The following JPH1 variants were observed in gnomAD, a reference collection of about 807,000 sequenced individuals.
JPH1 encodes junctophilin 1, also known as junctophilin-1.
A neutral mutation model predicts 53.6 loss-of-function variants in JPH1; 12 were observed. That is an observed-to-expected ratio of 0.22 (90% confidence interval 0.14 to 0.36). The LOEUF (loss-of-function observed/expected upper bound fraction) is 0.36. JPH1 is among the 10% of genes least tolerant of loss of function. JPH1 has a pLI of 1.00. For missense variants in JPH1, 808 were observed against 905.5 expected (o/e 0.89, Z 1.38); for synonymous variants, 375 against 363.8 (o/e 1.03, Z -0.35).
rs1805804765 is a variant in JPH1 at position 74,244,812 on chromosome 8, G to C, written c.1622C>G (p.Pro541Arg). 2 of 1,614,056 alleles carry C rather than the reference G, an allele frequency of 1.2e-6. No individual in the cohort carries two copies. The highest frequency in any genetic ancestry group is 2.7e-5 in the African/African-American group (2 of 74,922). ...CTGAGAATGCAGCTCCCCGTTACTGGGGTTGGGGATGTGGTGGCGGCCAGA... is the reference window on the plus strand; with the variant it reads ...CTGAGAATGCAGCTCCCCGTTACTGCGGTTGGGGATGTGGTGGCGGCCAGA... ...KYSGRHHIPNPSNGELHSQYH... is the reference protein window; with the variant it reads ...KYSGRHHIPNRSNGELHSQYH... Residue 541 changes from proline (P) to arginine (R), a missense_variant, in exon 4 of 6, where the codon CCC becomes CGC. Around this residue, in one of 2 missense-constraint regions of JPH1, gnomAD observed 756 missense variants for 811.9 expected, o/e 0.93. Coordinates refer to ENST00000342232, the MANE Select transcript of JPH1 (RefSeq NM_020647.4).
At chr8:74,265,169 T>C (rs1806496438) in intron 2 of JPH1, among the ~76,000 whole-genome samples, 1 of 152,208 alleles carries the variant, frequency 6.6e-6, no homozygotes, top group South Asian at 2.1e-4. Context: ...TAAGCTCTTG[T>C]AATACTAAGT....
intron 2 of JPH1, among the ~76,000 whole-genome samples, chr8:74,276,923 A>C (rs1053277863): frequency 1.3e-5 from 2 of 152,224 alleles, no homozygotes; most frequent in Non-Finnish European, 2.9e-5. Context: ...ACCTTTTAAG[A>C]GATGAAGTTT....
chr8:74,271,119 G>A (rs1806685613), intron 2 of JPH1, among the ~76,000 whole-genome samples: 1 of 151,528 alleles, frequency 6.6e-6, no homozygotes, highest in East Asian at 1.9e-4. Flanking sequence ...AAACAAGGGG[G>A]AGATTTAGGA....
chr8:74,259,270 A>G (rs1317986610), intron 3 of JPH1, 115 bp downstream of exon 3: 6 of 795,768 alleles, frequency 7.5e-6, no homozygotes, highest in Non-Finnish European at 1.2e-5. Flanking sequence ...CTTGTTTTGT[A>G]TAATAGTACT....
chr8:74,254,262 C>T (rs1304527284), intron 3 of JPH1, among the ~76,000 whole-genome samples: 14 of 152,038 alleles, frequency 9.2e-5, no homozygotes, highest in Admixed American at 4.6e-4. Flanking sequence ...TAAACGTAAT[C>T]CAGCATATAA....
At chr8:74,241,531 GA>G (rs1197540068) in intron 4 of JPH1, among the ~76,000 whole-genome samples, 1 of 152,064 alleles carries the variant, frequency 6.6e-6, no homozygotes, top group Admixed American at 6.6e-5. Context: ...AATACAGAAA[GA>G]AATCCTAACT....
chr8:74,305,507 T>C (rs976148908), intron 2 of JPH1, among the ~76,000 whole-genome samples: 2 of 152,240 alleles, frequency 1.3e-5, no homozygotes, highest in African/African-American at 4.8e-5. Context: ...TCTTCATATG[T>C]GTACTATTGA....
intron 2 of JPH1, among the ~76,000 whole-genome samples, chr8:74,268,501 C>T (rs1373344084): frequency 6.6e-6 from 1 of 152,008 alleles, no homozygotes; most frequent in South Asian, 2.1e-4. Flanking sequence ...AGGAAATAGA[C>T]AGCGTGAAGT....
intron 3 of JPH1, 143 bp from the exon 4 acceptor site, chr8:74,245,318 A>C: frequency 4.1e-6 from 3 of 734,340 alleles, no homozygotes; most frequent in Non-Finnish European, 6.0e-6. Context: ...TCTGGGGAAA[A>C]GTTTATTTAT....
chr8:74,276,042 C>T (rs1050909815), intron 2 of JPH1, among the ~76,000 whole-genome samples: 5 of 152,134 alleles, frequency 3.3e-5, no homozygotes, highest in Admixed American at 6.5e-5. Flanking sequence ...ATAGCTCATA[C>T]ATGCTCTAAG....
intron 2 of JPH1, among the ~76,000 whole-genome samples, chr8:74,313,364 G>GGA (rs1479654686): frequency 3.9e-5 from 6 of 151,974 alleles, no homozygotes; most frequent in East Asian, 3.8e-4. Flanking sequence ...AGAGAAGACA[G>GGA]GAGAGAGAGA....
At chr8:74,298,880 A>C (rs1053066414) in intron 2 of JPH1, among the ~76,000 whole-genome samples, 1 of 152,230 alleles carries the variant, frequency 6.6e-6, no homozygotes, top group Non-Finnish European at 1.5e-5. Context: ...TGTGCATATG[A>C]AAGATCCTTG....
intron 4 of JPH1, among the ~76,000 whole-genome samples, chr8:74,241,813 A>C (rs567207432): frequency 2.6e-5 from 4 of 152,338 alleles, no homozygotes; most frequent in Non-Finnish European, 5.9e-5. Context: ...CCTCAAAACA[A>C]ACTTGGATGC....
chr8:74,292,127 A>G (rs1429331007), intron 2 of JPH1, among the ~76,000 whole-genome samples: 1 of 152,218 alleles, frequency 6.6e-6, no homozygotes, highest in Non-Finnish European at 1.5e-5. Flanking sequence ...ATACATATGT[A>G]ACAAACCTGC....
intron 3 of JPH1, among the ~76,000 whole-genome samples, chr8:74,251,508 T>C (rs1344276588): frequency 2.0e-5 from 3 of 152,234 alleles, no homozygotes; most frequent in South Asian, 2.1e-4. Context: ...GTTATCTATA[T>C]ACACATTCAC....
At chr8:74,267,612 A>G (rs553146351) in intron 2 of JPH1, among the ~76,000 whole-genome samples, 1 of 152,196 alleles carries the variant, frequency 6.6e-6, no homozygotes, top group Admixed American at 6.5e-5. Flanking sequence ...GCCACCCCAG[A>G]AGCCGGACTG....
At position 74,315,666 on chromosome 8, in the gene JPH1, C is replaced by A; in HGVS notation, c.380-46G>T. On this transcript the variant is annotated intron_variant, in intron 1 of 5. Transcript: ENST00000342232. This position sits in a 1 kb window ranked among gnomAD's most constrained non-coding sequence, Gnocchi z 6.3. ...GCACCGTGAGTCGGGGGCAGAGCTG[C>A]ACCGTCACCTGCACCATCCAGCGCA... The A allele has an allele frequency of 6.5e-7, 1 of 1,533,262 alleles. No individual in the cohort carries two copies. Among genetic ancestry groups the A allele is most frequent in the Non-Finnish European group, 8.8e-7 (1 of 1,142,636 alleles). 95.0% of individuals were successfully genotyped at this position (1,533,262 alleles called of 1,614,324 possible). A position where few individuals can be genotyped will look rare whatever the true frequency, so the allele number is the denominator to read the frequency against.
At position 74,237,277 on chromosome 8, in the gene JPH1, A is replaced by C. The variant is rs985090787; in HGVS notation, c.1932T>G (p.Leu644=). ...NSGPNSIMIV[L]VMLLNIGLAI... is the part of the protein sequence containing the mutation. ...CCAACCCGATATTCAACAGCATGAC[A>C]AGGACAATCATGATTGAATTAGGGC... Residue 644 remains leucine (L), a synonymous_variant, in exon 5 of 6, where the codon CTT becomes CTG. Transcript: ENST00000342232. The C allele has an allele frequency of 6.2e-7, 1 of 1,613,322 alleles. No homozygotes were observed. The highest frequency in any genetic ancestry group is 8.5e-7 in the Non-Finnish European group (1 of 1,179,612).
chr8:74,242,227 G>C (rs1397107433), intron 4 of JPH1, among the ~76,000 whole-genome samples: 1 of 152,162 alleles, frequency 6.6e-6, no homozygotes, highest in Non-Finnish European at 1.5e-5. Flanking sequence ...AGATCTACTT[G>C]AATATTTCTG....
Sources: gnomAD v4.1 joint callset for allele counts (sites outside exome capture counted in the v4.1 genomes callset) on GRCh38, gnomAD v4.1.1 for gene constraint, gnomAD v4.1.1 regional missense constraint, Gnocchi (gnomAD v3.1) non-coding constraint, MANE v1.5 for transcripts, NCBI Gene and HGNC (gene_info 2026-07-23, HGNC 2026-07-21) for gene names.